CD28: variants seen among roughly 807,000 people sequenced by gnomAD.
CD28 encodes the protein CD28 molecule, also known as T-cell-specific surface glycoprotein CD28.
CD28 carries 8 observed loss-of-function variants against 21.4 expected under a neutral mutation model. The ratio of observed to expected loss-of-function variants is 0.37; its 90% CI spans 0.22 to 0.68. The LOEUF is 0.68. Among genes scored for constraint, CD28 ranks in the 30% least tolerant of loss-of-function variants. The pLI, the probability that CD28 is intolerant of heterozygous loss-of-function variation, is 0.55. For missense variants in CD28, 239 were observed against 272.2 expected (o/e 0.88, Z 0.86); for synonymous variants, 106 against 104.0 (o/e 1.02, Z -0.12).
intron 3 of CD28, among the ~76,000 whole-genome samples, chr2:203,730,679 T>A (rs1054123444): frequency 6.6e-6 from 1 of 152,224 alleles, no homozygotes. Context: ...CTATTTCTCT[T>A]GATATTCTCC....
chr2:203,734,546 A>G (rs1693975198), intron 3 of CD28, among the ~76,000 whole-genome samples: 1 of 152,234 alleles, frequency 6.6e-6, no homozygotes, highest in African/African-American at 2.4e-5. Context: ...AGATGACAGC[A>G]TTGAGAGTAA....
At chr2:203,713,877 C>CAG (rs1693388647) in intron 1 of CD28, among the ~76,000 whole-genome samples, 9 of 83,902 alleles carry the variant, frequency 1.1e-4, no homozygotes, top group African/African-American at 3.1e-4. Flanking sequence ...GAGAGAGAGA[C>CAG]AGAGAGAGAG....
In CD28 at chr2:203,726,644, T is replaced by C. The variant is rs748989473; in HGVS notation, c.64T>C (p.Leu22=). The change falls in exon 2 of 4, where the codon TTG becomes CTG. Residue 22 remains leucine, a synonymous_variant. Transcript: ENST00000324106. ...TTTTTTTCCCCCAGGAAACAAGATT[T>C]TGGTGAAGCAGTCGCCCATGCTTGT... ...PSIQVTGNKI[L]VKQSPMLVAY... is the part of the protein sequence containing the mutation. 1 of 1,602,122 alleles carries C rather than the reference T, an allele frequency of 6.2e-7. No homozygotes were observed.
intron 3 of CD28, 84 bp from the exon 4 acceptor site, chr2:203,734,700 T>G: frequency 6.6e-7 from 1 of 1,517,234 alleles, no homozygotes; most frequent in Non-Finnish European, 9.2e-7. Context: ...ATTTGACAGT[T>G]AATATTATGA....
rs889380602 is a variant in CD28 at position 203,720,789 on chromosome 2, C to G, written c.53-5844C>G. Among the ~76,000 whole-genome samples, 4 of 152,056 alleles carry G rather than the reference C, an allele frequency of 2.6e-5. No individual in the cohort carries two copies. In the East Asian group the frequency reaches 7.7e-4, roughly 29 times the overall value. On this transcript the variant is annotated intron_variant, in intron 1 of 3. Transcript: ENST00000324106. ...AGGGGTGTGCATTTTTACACATGCCCCATTTTAAAAGAAAATAAGAGAAAT... is the reference window on the plus strand; with the variant it reads ...AGGGGTGTGCATTTTTACACATGCCGCATTTTAAAAGAAAATAAGAGAAAT...
chr2:203,713,535 A>G (rs1002528386), intron 1 of CD28, among the ~76,000 whole-genome samples: 2 of 152,136 alleles, frequency 1.3e-5, no homozygotes. Flanking sequence ...AATAGCATTA[A>G]ACATAAGAGG....
chr2:203,728,931 C>T (rs1161600815), intron 2 of CD28, among the ~76,000 whole-genome samples: 1 of 152,062 alleles, frequency 6.6e-6, no homozygotes, highest in Non-Finnish European at 1.5e-5. Context: ...TAGTTCCAGC[C>T]CTGAGATTCT....
intron 1 of CD28, among the ~76,000 whole-genome samples, chr2:203,719,632 A>G (rs1449091071): frequency 6.6e-6 from 1 of 152,278 alleles, no homozygotes; most frequent in East Asian, 1.9e-4. Context: ...CAACTCATCT[A>G]CCTCTTTGAC....
Position 203,735,050 on chromosome 2 carries a change from T to C in CD28, c.*138T>C. 1 of 859,678 alleles carries C rather than the reference T, an allele frequency of 1.2e-6. No homozygotes were observed. Among genetic ancestry groups the C allele is most frequent in the Admixed American group, 2.6e-5 (1 of 38,182 alleles). The allele number at this position is 859,678 out of a possible 1,614,324, so 53.3% of individuals were successfully genotyped here. A position where few individuals can be genotyped will look rare whatever the true frequency, so the allele number is the denominator to read the frequency against. The stretch of plus-strand genomic sequence containing the variant: ...GCCACCAATGCCAATTTTTCTCGAG[T>C]GACTAGACCAAATATCAAGATCATT... On this transcript the variant is annotated 3_prime_UTR_variant, in exon 4 of 4. Transcript: ENST00000324106.
chr2:203,720,565 G>A (rs1693580823), intron 1 of CD28, among the ~76,000 whole-genome samples: 1 of 152,206 alleles, frequency 6.6e-6, no homozygotes, highest in African/African-American at 2.4e-5. Context: ...TCAAACACAA[G>A]TTAGGACGAG....
At chr2:203,716,814 A>G (rs2106112834) in intron 1 of CD28, among the ~76,000 whole-genome samples, 1 of 152,290 alleles carries the variant, frequency 6.6e-6, no homozygotes, top group Middle Eastern at 3.4e-3. Flanking sequence ...AGTGCTGACC[A>G]AAAGCAACTT....
Position 203,734,926 on chromosome 2 carries a change from C to A in CD28, c.*14C>A, listed in dbSNP as rs570801289. The A allele has an allele frequency of 6.2e-7, 1 of 1,612,706 alleles. No individual in the cohort carries two copies. Among genetic ancestry groups the A allele is most frequent in the South Asian group, 1.1e-5 (1 of 90,926 alleles). On this transcript the variant is annotated 3_prime_UTR_variant, in exon 4 of 4. Transcript: ENST00000324106. Reference sequence around the variant, plus strand: ...TATCGCTCCTGACACGGACGCCTATCCAGAAGCCAGCCGGCTGGCAGCCCC... The same window carrying A: ...TATCGCTCCTGACACGGACGCCTATACAGAAGCCAGCCGGCTGGCAGCCCC...
At chr2:203,713,859 G>GAC (rs1057194770) in intron 1 of CD28, among the ~76,000 whole-genome samples, 1 of 145,954 alleles carries the variant, frequency 6.9e-6, no homozygotes, top group African/African-American at 2.5e-5. Flanking sequence ...GAGGGAGAGA[G>GAC]AGAGAGAGAG....
chr2:203,727,430 T>TTTCCTTCCTTCCTTCCTTCCTTCC (rs762878963), intron 2 of CD28, among the ~76,000 whole-genome samples: 1,013 of 98,804 alleles, frequency 0.01, 7 homozygotes, highest in African/African-American at 0.02. Flanking sequence ...CCATTTTCTT[T>TTTCCTTCCTTCCTTCCTTCCTTCC]TTCCTTCCTT....
intron 3 of CD28, among the ~76,000 whole-genome samples, chr2:203,732,186 G>A (rs901260935): frequency 4.6e-5 from 7 of 152,212 alleles, no homozygotes; most frequent in East Asian, 3.9e-4. Flanking sequence ...GCTGTTTTCC[G>A]GAACTTCCTG....
At chr2:203,720,857 T>C (rs1030731589) in intron 1 of CD28, among the ~76,000 whole-genome samples, 16 of 152,206 alleles carry the variant, frequency 1.1e-4, no homozygotes, top group Non-Finnish European at 1.8e-4. Flanking sequence ...ATCACACATA[T>C]TCAGTATCAC....
intron 1 of CD28, among the ~76,000 whole-genome samples, chr2:203,708,770 G>A (rs1581496345): frequency 6.6e-6 from 1 of 152,146 alleles, no homozygotes; most frequent in Admixed American, 6.5e-5. Flanking sequence ...GGAGTGAAGG[G>A]GACACTTTTA....
In CD28 at chr2:203,734,832, A is replaced by T. The variant is rs562969933; in HGVS notation, c.583A>T (p.Thr195Ser). The T allele has an allele frequency of 6.2e-7, 1 of 1,613,674 alleles. No homozygotes were observed. The highest frequency in any genetic ancestry group is 2.2e-5 in the East Asian group (1 of 44,838). The change falls in exon 4 of 4, where the codon ACT (threonine) becomes TCT (serine). Residue 195 changes from threonine (T) to serine (S), a missense_variant. Thr to Ser is a moderately conservative substitution (Grantham distance 58). This residue lies in a region of CD28 where 112 missense variants were observed against 112.8 expected (regional missense o/e 0.99). Coordinates refer to ENST00000324106, the MANE Select transcript of CD28 (RefSeq NM_006139.4). Reference sequence around the variant, plus strand: ...CCTGCACAGTGACTACATGAACATGACTCCCCGCCGCCCCGGGCCCACCCG... The same window carrying T: ...CCTGCACAGTGACTACATGAACATGTCTCCCCGCCGCCCCGGGCCCACCCG... ...RLLHSDYMNM[T>S]PRRPGPTRKH...
intron 1 of CD28, among the ~76,000 whole-genome samples, chr2:203,711,048 A>G (rs1693297763): frequency 6.6e-6 from 1 of 152,198 alleles, no homozygotes; most frequent in Non-Finnish European, 1.5e-5. Context: ...AGCTGTGTTA[A>G]GATATCTGTG....
Sources: allele counts gnomAD v4.1 joint callset (sites outside exome capture counted in the v4.1 genomes callset), GRCh38; gene constraint gnomAD v4.1.1; regional missense constraint gnomAD v4.1.1; transcripts MANE v1.5; gene names NCBI Gene and HGNC (gene_info 2026-07-23, HGNC 2026-07-21).